Variants in SNTB1 observed in about 807,000 individuals in gnomAD.
The protein encoded by SNTB1 is beta-1-syntrophin.
Under a neutral mutation model 48.9 loss-of-function variants are expected in SNTB1, and 36 were observed. That is an observed-to-expected ratio of 0.74 (90% CI 0.56 to 0.97). The LOEUF is 0.97. Among genes scored for constraint, SNTB1 ranks in the 50% least tolerant of loss-of-function variants. The pLI is 0.00. For synonymous variants in SNTB1, 299 were observed against 294.6 expected, an observed-to-expected ratio of 1.01 and a Z score of -0.15; for missense variants, 786 against 703.4, an observed-to-expected ratio of 1.12 and a Z score of -1.33.
rs151123115 is a variant in SNTB1 at position 120,641,941 on chromosome 8, A to C, written c.789-9290T>G. The stretch of plus-strand genomic sequence containing the variant: ...AGGATCTAGGACAATTTCTGAGGCA[A>C]AGTTGAAATACCAGGTCCCATACTT... On this transcript the variant is annotated intron_variant, in intron 2 of 6. Coordinates refer to ENST00000517992, the MANE Select transcript of SNTB1 (RefSeq NM_021021.4). Among the ~76,000 whole-genome samples the C allele has an allele frequency of 3.0e-4, 45 of 151,774 alleles. 1 individual carries two copies. The highest frequency in any genetic ancestry group is 9.9e-4 in the African/African-American group (41 of 41,380).
chr8:120,643,769 G>A (rs569267014), intron 2 of SNTB1, among the ~76,000 whole-genome samples: 1 of 152,084 alleles, frequency 6.6e-6, no homozygotes, highest in Non-Finnish European at 1.5e-5. Flanking sequence ...CTTTTCCTCT[G>A]GGTAGAGACC....
chr8:120,712,649 T>C (rs2129922681), intron 1 of SNTB1, among the ~76,000 whole-genome samples: 1 of 152,292 alleles, frequency 6.6e-6, no homozygotes, highest in Middle Eastern at 3.4e-3. Context: ...TGTAATAACA[T>C]GGTAAACTTA....
chr8:120,791,889 G>A (rs183486958), intron 1 of SNTB1, among the ~76,000 whole-genome samples: 11 of 151,864 alleles, frequency 7.2e-5, no homozygotes, highest in African/African-American at 2.4e-4. Context: ...TATGGAAAAT[G>A]GTATGGAGAT....
intron 3 of SNTB1, among the ~76,000 whole-genome samples, chr8:120,582,172 A>T (rs1300930955): frequency 6.6e-6 from 1 of 152,248 alleles, no homozygotes; most frequent in African/African-American, 2.4e-5. Context: ...AATGTATTCA[A>T]GTTAAACAAT....
chr8:120,697,577 C>T (rs1417732334), intron 1 of SNTB1, among the ~76,000 whole-genome samples: 2 of 152,190 alleles, frequency 1.3e-5, no homozygotes, highest in African/African-American at 4.8e-5. Flanking sequence ...CTTGAAGAAT[C>T]AAATGCAAGT....
At chr8:120,597,557 G>A (rs1047293961) in intron 3 of SNTB1, among the ~76,000 whole-genome samples, 1 of 152,206 alleles carries the variant, frequency 6.6e-6, no homozygotes, top group African/African-American at 2.4e-5. Flanking sequence ...AGTGAAAAAT[G>A]AGTATCCTTT....
intron 1 of SNTB1, among the ~76,000 whole-genome samples, chr8:120,712,115 C>G (rs1025227815): frequency 4.6e-5 from 7 of 152,058 alleles, no homozygotes; most frequent in African/African-American, 1.7e-4. Flanking sequence ...TCTTTCAGAA[C>G]TTAGAAATAT....
chr8:120,774,326 C>G (rs1263238776), intron 1 of SNTB1, among the ~76,000 whole-genome samples: 2 of 152,230 alleles, frequency 1.3e-5, no homozygotes, highest in African/African-American at 4.8e-5. Flanking sequence ...TGCAGCAGGG[C>G]TACCTCACTG....
chr8:120,752,307 C>A (rs961812839), intron 1 of SNTB1, among the ~76,000 whole-genome samples: 27 of 151,960 alleles, frequency 1.8e-4, no homozygotes, highest in African/African-American at 6.3e-4. Flanking sequence ...TGTTTCATAC[C>A]TATTATATAT....
intron 3 of SNTB1, among the ~76,000 whole-genome samples, chr8:120,601,703 T>C (rs1330958236): frequency 1.3e-5 from 2 of 152,212 alleles, no homozygotes; most frequent in Non-Finnish European, 2.9e-5. Context: ...GCAATATTTT[T>C]ATGTCTTTGA....
At chr8:120,614,877 A>C (rs955361945) in intron 3 of SNTB1, among the ~76,000 whole-genome samples, 1 of 150,092 alleles carries the variant, frequency 6.7e-6, no homozygotes, top group East Asian at 2.0e-4. Context: ...GCTCACGTTT[A>C]TTAAGATGAT....
chr8:120,569,196 C>G (rs1238085419), intron 4 of SNTB1, among the ~76,000 whole-genome samples: 1 of 152,060 alleles, frequency 6.6e-6, no homozygotes, highest in Non-Finnish European at 1.5e-5. Context: ...GGCCAGCTGG[C>G]CTCGAACCCC....
chr8:120,594,946 A>G (rs1174429176), intron 3 of SNTB1, among the ~76,000 whole-genome samples: 1 of 152,070 alleles, frequency 6.6e-6, no homozygotes, highest in East Asian at 1.9e-4. Flanking sequence ...TACAATAAAA[A>G]AAATAGTTAA....
At chr8:120,760,698 A>T (rs1459921560) in intron 1 of SNTB1, among the ~76,000 whole-genome samples, 5 of 152,124 alleles carry the variant, frequency 3.3e-5, no homozygotes, top group Non-Finnish European at 5.9e-5. Flanking sequence ...TCTCCTTAAC[A>T]CGACCTGTCT....
intron 3 of SNTB1, among the ~76,000 whole-genome samples, chr8:120,618,057 G>T (rs1017638034): frequency 6.6e-6 from 1 of 152,108 alleles, no homozygotes; most frequent in African/African-American, 2.4e-5. Flanking sequence ...TGCATTTTGC[G>T]TCTTTATGCC....
At chr8:120,658,769 C>T (rs1166841959) in intron 2 of SNTB1, among the ~76,000 whole-genome samples, 3 of 152,194 alleles carry the variant, frequency 2.0e-5, no homozygotes, top group East Asian at 1.9e-4. Context: ...TGAAGGCTGG[C>T]GTGGCTGTGT....
chr8:120,573,777 T>C (rs1291332133), intron 4 of SNTB1, among the ~76,000 whole-genome samples: 1 of 152,214 alleles, frequency 6.6e-6, no homozygotes, highest in African/African-American at 2.4e-5. Context: ...CACCATTTAT[T>C]GAAGAGAATA....
rs200870227 is a variant in SNTB1 at position 120,632,541 on chromosome 8, A to C, written c.899T>G (p.Leu300Arg). The C allele has an allele frequency of 6.2e-7, 1 of 1,614,156 alleles. No homozygotes were observed. The highest frequency in any genetic ancestry group is 2.2e-5 in the East Asian group (1 of 44,878). ...GACCTCAGCAATCACTCGGGTCAGC[A>C]GGTCATTAACGTTGGAATGGATGGC... ...FSAIHSNVND[L>R]LTRVIAEVRE... Residue 300 changes from leucine (L) to arginine (R), a missense_variant, in exon 3 of 7, where the codon CTG (leucine) becomes CGG (arginine). Physicochemically the swap from Leu to Arg is moderately radical, Grantham distance 102. Coordinates refer to ENST00000517992, the MANE Select transcript of SNTB1 (RefSeq NM_021021.4).
chr8:120,715,627 T>G (rs1275762605), intron 1 of SNTB1, among the ~76,000 whole-genome samples: 1 of 152,192 alleles, frequency 6.6e-6, no homozygotes, highest in Non-Finnish European at 1.5e-5. Flanking sequence ...TCGATAAAGT[T>G]TCTGTGACGA....
Sources: gnomAD v4.1 joint callset for allele counts (sites outside exome capture counted in the v4.1 genomes callset) on GRCh38, gnomAD v4.1.1 for gene constraint, MANE v1.5 for transcripts, NCBI Gene and HGNC (gene_info 2026-07-23, HGNC 2026-07-21) for gene names.